NBEA: variants seen among roughly 807,000 people sequenced by gnomAD.
NBEA encodes the protein neurobeachin.
A neutral mutation model predicts 343.4 loss-of-function variants in NBEA; 44 were observed. The ratio of observed to expected loss-of-function variants is 0.13; its 90% CI spans 0.10 to 0.16. The LOEUF is 0.16. NBEA is among the 10% of genes least tolerant of loss of function. The probability of loss-of-function intolerance (pLI) is 1.00; values close to 1 mark genes in which losing one functional copy is unlikely to be tolerated. For missense variants in NBEA, 2,555 were observed against 3,631.3 expected (o/e 0.70, Z 7.62); for synonymous variants, 1,175 against 1,238.7 (o/e 0.95, Z 1.08).
At chr13:35,616,977 A>C (rs2082766477) in intron 48 of NBEA, among the ~76,000 whole-genome samples, 1 of 152,260 alleles carries the variant, frequency 6.6e-6, no homozygotes, top group Non-Finnish European at 1.5e-5. Context: ...TGCACTAGGA[A>C]CTGTAAGGAT....
intron 1 of NBEA, among the ~76,000 whole-genome samples, chr13:34,978,409 A>T (rs57356346): frequency 0.016 from 2,401 of 152,184 alleles, 65 homozygotes; most frequent in African/African-American, 0.049. Context: ...CGATCTGTCT[A>T]TTTTTTCTGG....
chr13:35,422,352 T>G (rs961308308), intron 38 of NBEA, among the ~76,000 whole-genome samples: 2 of 135,768 alleles, frequency 1.5e-5, no homozygotes, highest in Admixed American at 1.6e-4. Flanking sequence ...CCTGTGTCCA[T>G]GTGTTCTCAT....
intron 39 of NBEA, among the ~76,000 whole-genome samples, chr13:35,437,002 T>C (rs939266854): frequency 6.6e-6 from 1 of 152,192 alleles, no homozygotes; most frequent in African/African-American, 2.4e-5. Flanking sequence ...ATTTGAACCA[T>C]TGATTTCGTC....
chr13:35,661,168 T>C (rs1446845000), intron 55 of NBEA, among the ~76,000 whole-genome samples: 1 of 152,182 alleles, frequency 6.6e-6, no homozygotes, highest in Non-Finnish European at 1.5e-5. Context: ...ACAGAGTGAC[T>C]AATGTGTTCT....
At chr13:35,103,764 G>A (rs2065772297) in intron 11 of NBEA, among the ~76,000 whole-genome samples, 1 of 151,656 alleles carries the variant, frequency 6.6e-6, no homozygotes, top group South Asian at 2.1e-4. Flanking sequence ...AATTCTTTTT[G>A]ACTCTACTTT....
intron 1 of NBEA, among the ~76,000 whole-genome samples, chr13:35,015,351 GTT>G: frequency 6.6e-6 from 1 of 152,022 alleles, no homozygotes; most frequent in Non-Finnish European, 1.5e-5. Context: ...TCTAAGTGGT[GTT>G]TTAGGAAGGT....
chr13:35,652,342 A>G (rs531774373), intron 53 of NBEA, among the ~76,000 whole-genome samples: 4 of 29,292 alleles, frequency 1.4e-4, no homozygotes, highest in Non-Finnish European at 2.6e-4. Context: ...CTTAAATTTA[A>G]AAAAAAAAAA....
At position 35,044,553 on chromosome 13, in the gene NBEA, A is replaced by T. The variant is rs1162951258; in HGVS notation, c.527-394A>T. 3.3e-5 allele frequency among the ~76,000 whole-genome samples: 5 copies of T among 151,604 alleles called. No individual in the cohort carries two copies. In the East Asian group the frequency reaches 9.7e-4, roughly 29 times the overall value. On this transcript the variant is annotated intron_variant, in intron 2 of 58. Coordinates refer to ENST00000379939, the MANE Select transcript of NBEA (RefSeq NM_001385012.1). ...CCAGTTTGCAATTTTAAATCTTTGT[A>T]CATTTGCATATTTTACCTACCTTTC...
At chr13:35,362,041 T>C (rs2040836776) in intron 38 of NBEA, among the ~76,000 whole-genome samples, 1 of 152,004 alleles carries the variant, frequency 6.6e-6, no homozygotes, top group Non-Finnish European at 1.5e-5. Flanking sequence ...TTACTATATG[T>C]AAATTTTAAA....
rs142355257 is a variant in NBEA, at chr13:35,206,744, C to T, written c.5367-1956C>T. Among the ~76,000 whole-genome samples the T allele has an allele frequency of 3.9e-5, 6 of 152,040 alleles. No individual in the cohort carries two copies. In the East Asian group the frequency reaches 7.8e-4, roughly 20 times the overall value. On this transcript the variant is annotated intron_variant, in intron 31 of 58. Transcript: ENST00000379939. ...CTCATTTAATCTCCCCAATTGTATG[C>T]GAAGGAGGTAGCATTAGTCTTACGA...
intron 8 of NBEA, among the ~76,000 whole-genome samples, chr13:35,060,025 T>C (rs2063410373): frequency 6.6e-6 from 1 of 151,846 alleles, no homozygotes; most frequent in South Asian, 2.1e-4. Context: ...TCTGCCATTG[T>C]TGATCTTGCA....
At chr13:34,949,442 C>CTTT (rs1337747339) in intron 1 of NBEA, among the ~76,000 whole-genome samples, 1 of 152,166 alleles carries the variant, frequency 6.6e-6, no homozygotes, top group African/African-American at 2.4e-5. Context: ...GGCCTGCATT[C>CTTT]TTTTACTTCT....
intron 45 of NBEA, among the ~76,000 whole-genome samples, chr13:35,577,482 T>A (rs1356164482): frequency 6.6e-6 from 1 of 152,210 alleles, no homozygotes; most frequent in Non-Finnish European, 1.5e-5. Flanking sequence ...ATTCATCATA[T>A]CATTTCCTCA....
intron 38 of NBEA, among the ~76,000 whole-genome samples, chr13:35,407,000 C>T (rs535975884): frequency 6.7e-6 from 1 of 148,218 alleles, no homozygotes; most frequent in African/African-American, 2.5e-5. Flanking sequence ...CACTCTGTTG[C>T]CCAGAATGGA....
intron 1 of NBEA, among the ~76,000 whole-genome samples, chr13:34,983,731 G>A (rs1033501980): frequency 2.0e-5 from 3 of 152,146 alleles, no homozygotes; most frequent in African/African-American, 7.2e-5. Context: ...GTGTGAGATG[G>A]TATCTCATTG....
intron 34 of NBEA, among the ~76,000 whole-genome samples, chr13:35,252,952 C>A (rs773717259): frequency 6.6e-6 from 1 of 152,150 alleles, no homozygotes; most frequent in Non-Finnish European, 1.5e-5. Context: ...CCACCTTGGT[C>A]TCTCTCAAAT....
At chr13:35,277,751 G>A (rs1249248811) in intron 34 of NBEA, among the ~76,000 whole-genome samples, 1 of 150,694 alleles carries the variant, frequency 6.6e-6, no homozygotes, top group Non-Finnish European at 1.5e-5. Flanking sequence ...CTAGATTCTA[G>A]TCATTCTTGA....
chr13:35,003,871 A>G (rs879698493), intron 1 of NBEA, among the ~76,000 whole-genome samples: 7 of 152,114 alleles, frequency 4.6e-5, no homozygotes, highest in Non-Finnish European at 1.0e-4. Context: ...TGCTGCATGT[A>G]ACAACCCATC....
chr13:35,524,092 T>C (rs1456862745), intron 41 of NBEA, among the ~76,000 whole-genome samples: 1 of 152,180 alleles, frequency 6.6e-6, no homozygotes, highest in Non-Finnish European at 1.5e-5. Flanking sequence ...ATGAATCTAA[T>C]TGGTAGGATA....
Sources: gnomAD v4.1 joint callset for allele counts (sites outside exome capture counted in the v4.1 genomes callset) on GRCh38, gnomAD v4.1.1 for gene constraint, MANE v1.5 for transcripts, NCBI Gene and HGNC (gene_info 2026-07-23, HGNC 2026-07-21) for gene names.